Variants in PEX5L observed in about 807,000 individuals in gnomAD.
PEX5L encodes the protein peroxisomal biogenesis factor 5 like.
Under a neutral mutation model 84.0 loss-of-function variants are expected in PEX5L, and 30 were observed. The observed-to-expected ratio is 0.36, with a 90% CI of 0.27 to 0.48. PEX5L has a LOEUF of 0.48. PEX5L is among the 20% of genes least tolerant of loss of function. The pLI is 0.99. For missense variants in PEX5L, 533 were observed against 754.6 expected, an observed-to-expected ratio of 0.71 and a Z score of 3.44; for synonymous variants, 270 against 283.1, an observed-to-expected ratio of 0.95 and a Z score of 0.46.
At position 179,797,597 on chromosome 3, in the gene PEX5L, A is replaced by T. The variant is rs1332368372; in HGVS notation, c.*4231T>A. The T allele has an allele frequency of 9.5e-6, 1 of 105,258 alleles. No homozygotes were observed. The highest frequency in any genetic ancestry group is 1.9e-5 in the Non-Finnish European group (1 of 53,678). 6.5% of individuals were successfully genotyped at this position (105,258 alleles called of 1,614,324 possible). A position where few individuals can be genotyped will look rare whatever the true frequency, so the allele number is the denominator to read the frequency against. On this transcript the variant is annotated 3_prime_UTR_variant, in exon 15 of 15. Transcript: ENST00000467460. Reference sequence around the variant, plus strand: ...TATCTATGAACACTCTTTAAAAAAAAAAAAAAAAATATATATATATATATA... The same window carrying T: ...TATCTATGAACACTCTTTAAAAAAATAAAAAAAAATATATATATATATATA...
chr3:179,996,389 C>T (rs1227410095), intron 1 of PEX5L, among the ~76,000 whole-genome samples: 1 of 152,060 alleles, frequency 6.6e-6, no homozygotes, highest in Non-Finnish European at 1.5e-5. Context: ...TTTAATGTTG[C>T]AGCTTAGGGA....
intron 8 of PEX5L, among the ~76,000 whole-genome samples, chr3:179,821,914 C>T (rs1728662654): frequency 6.6e-6 from 1 of 152,114 alleles, no homozygotes; most frequent in Non-Finnish European, 1.5e-5. Context: ...CATACTTTTC[C>T]TACTTTCTGA....
intron 1 of PEX5L, among the ~76,000 whole-genome samples, chr3:180,035,501 CTA>C (rs1306232800): frequency 5.9e-5 from 9 of 152,084 alleles, no homozygotes; most frequent in Non-Finnish European, 1.3e-4. Flanking sequence ...AAAATTGAGA[CTA>C]TGATGAAATA....
intron 1 of PEX5L, among the ~76,000 whole-genome samples, chr3:179,971,994 C>G (rs1048369438): frequency 5.3e-5 from 8 of 152,028 alleles, no homozygotes; most frequent in Non-Finnish European, 1.2e-4. Context: ...CTTTGAAGAG[C>G]CTTAGCACAT....
intron 1 of PEX5L, among the ~76,000 whole-genome samples, chr3:179,995,219 A>G (rs1787776656): frequency 6.8e-6 from 1 of 148,066 alleles, no homozygotes; most frequent in Admixed American, 6.8e-5. Flanking sequence ...TACACACACT[A>G]TCTACATAGT....
At chr3:179,894,373 G>A (rs1347384097) in intron 3 of PEX5L, among the ~76,000 whole-genome samples, 1 of 152,002 alleles carries the variant, frequency 6.6e-6, no homozygotes, top group Non-Finnish European at 1.5e-5. Context: ...TAGTACTAAT[G>A]GACTGCCCCA....
intron 2 of PEX5L, among the ~76,000 whole-genome samples, chr3:179,954,425 T>G (rs1482886301): frequency 6.6e-6 from 1 of 152,186 alleles, no homozygotes; most frequent in East Asian, 1.9e-4. Flanking sequence ...CTGCTTGCCC[T>G]ATTCCGTGAT....
intron 3 of PEX5L, among the ~76,000 whole-genome samples, chr3:179,896,510 T>G (rs1251258153): frequency 6.6e-6 from 1 of 152,110 alleles, no homozygotes; most frequent in Admixed American, 6.6e-5. Context: ...AAATTAAAAA[T>G]CAAAAATGTT....
At chr3:179,986,020 A>C (rs1403299251) in intron 1 of PEX5L, among the ~76,000 whole-genome samples, 1 of 152,076 alleles carries the variant, frequency 6.6e-6, no homozygotes. Flanking sequence ...GCAGGAAGTA[A>C]TTGGTTAGTG....
chr3:179,945,345 T>C (rs1165310456), intron 2 of PEX5L, among the ~76,000 whole-genome samples: 32 of 152,208 alleles, frequency 2.1e-4, no homozygotes. Flanking sequence ...AGAGGATATT[T>C]GGAACAGTCA....
chr3:179,942,239 A>C (rs1033263395), intron 2 of PEX5L, among the ~76,000 whole-genome samples: 1 of 152,112 alleles, frequency 6.6e-6, no homozygotes, highest in Non-Finnish European at 1.5e-5. Flanking sequence ...TCTCCCAAGA[A>C]GCCTGGGCCT....
At position 179,878,602 on chromosome 3, in the gene PEX5L, A is replaced by T. The variant is rs549608660; in HGVS notation, c.505+1327T>A. ...TTCCATGTTTATCTATTTGTGTGTG[A>T]ATACCTTTCCTTTCTGCACCAGGGA... is the stretch of plus-strand genomic sequence containing the variant. On this transcript the variant is annotated intron_variant, in intron 5 of 14. Transcript: ENST00000467460. Among the ~76,000 whole-genome samples, 15 of 152,306 alleles carry T rather than the reference A, an allele frequency of 9.8e-5. No homozygotes were observed. In the East Asian group the frequency reaches 2.3e-3, roughly 24 times the overall value.
intron 3 of PEX5L, among the ~76,000 whole-genome samples, chr3:179,890,319 A>T (rs533344895): frequency 6.6e-6 from 1 of 152,328 alleles, no homozygotes; most frequent in South Asian, 2.1e-4. Context: ...ATACGCATAG[A>T]AATTATTGTA....
chr3:179,823,182 G>T (rs185879473), intron 8 of PEX5L, among the ~76,000 whole-genome samples: 6 of 152,266 alleles, frequency 3.9e-5, no homozygotes, highest in Non-Finnish European at 7.4e-5. Flanking sequence ...GCATAGTTTG[G>T]TGTTTTCATC....
At chr3:179,968,556 G>C (rs1560973030) in intron 2 of PEX5L, among the ~76,000 whole-genome samples, 1 of 152,066 alleles carries the variant, frequency 6.6e-6, no homozygotes, top group African/African-American at 2.4e-5. Flanking sequence ...TATGTCAAAT[G>C]TTTGGGTTTT....
intron 11 of PEX5L, 49 bp downstream of exon 11, chr3:179,811,752 A>C (rs1424136342): frequency 4.6e-6 from 6 of 1,293,574 alleles, no homozygotes; most frequent in Middle Eastern, 1.8e-4. Context: ...CAGGAAGTTC[A>C]TTAACAAGTA....
intron 8 of PEX5L, among the ~76,000 whole-genome samples, chr3:179,847,081 G>GTGTATA (rs777216967): frequency 2.4e-4 from 25 of 105,586 alleles, no homozygotes; most frequent in African/African-American, 5.8e-4. Context: ...GTGTGTGTGT[G>GTGTATA]TATATATATA....
chr3:179,967,071 T>G (rs1560966171), intron 2 of PEX5L, among the ~76,000 whole-genome samples: 2 of 152,196 alleles, frequency 1.3e-5, no homozygotes, highest in East Asian at 3.9e-4. Context: ...GGAAGTTTAT[T>G]CCTGTGAGGG....
chr3:179,921,466 A>T (rs1769364066), intron 2 of PEX5L: 1 of 152,162 alleles, frequency 6.6e-6, no homozygotes, highest in Non-Finnish European at 1.5e-5. Flanking sequence ...CTAAATCACA[A>T]ATGTATTCTG....
Sources: allele counts gnomAD v4.1 joint callset (sites outside exome capture counted in the v4.1 genomes callset), GRCh38; gene constraint gnomAD v4.1.1; transcripts MANE v1.5; gene names NCBI Gene and HGNC (gene_info 2026-07-23, HGNC 2026-07-21).